The following ULK4 variants were observed in gnomAD, a reference collection of about 807,000 sequenced individuals.
ULK4 encodes inactive serine/threonine-protein kinase ULK4.
In ULK4, 133 loss-of-function variants were observed where a neutral mutation model predicts 160.6. That is an observed-to-expected ratio of 0.83 (90% CI 0.72 to 0.96). The LOEUF is 0.96. Ranked by LOEUF, ULK4 falls within the 40% of genes least tolerant of loss-of-function variation. The pLI is 0.00. For missense variants in ULK4, 1,580 were observed against 1,499.5 expected (o/e 1.05, Z -0.89); for synonymous variants, 534 against 539.8 (o/e 0.99, Z 0.15).
At chr3:41,820,884 T>C (rs2041125061) in intron 18 of ULK4, among the ~76,000 whole-genome samples, 1 of 152,220 alleles carries the variant, frequency 6.6e-6, no homozygotes, top group East Asian at 1.9e-4. Context: ...TACTTGATTA[T>C]AGAATTCCAC....
intron 35 of ULK4, among the ~76,000 whole-genome samples, chr3:41,395,903 C>T (rs1225048306): frequency 6.6e-6 from 1 of 152,092 alleles, no homozygotes; most frequent in African/African-American, 2.4e-5. Flanking sequence ...ACAAAATCTA[C>T]CCGGCCCTAT....
intron 17 of ULK4, among the ~76,000 whole-genome samples, chr3:41,843,089 T>C (rs1006094087): frequency 2.0e-5 from 3 of 152,156 alleles, no homozygotes; most frequent in Non-Finnish European, 4.4e-5. Context: ...GAAGAAAATA[T>C]AGGATAACGT....
At chr3:41,849,454 C>T (rs560415652) in intron 17 of ULK4, among the ~76,000 whole-genome samples, 48 of 151,804 alleles carry the variant, frequency 3.2e-4, no homozygotes, top group Non-Finnish European at 4.9e-4. Flanking sequence ...GCCATGAAGA[C>T]GGTAAAAAGG....
intron 32 of ULK4, among the ~76,000 whole-genome samples, chr3:41,564,449 CTTTTTTTTTTTTTT>C (rs71075476): frequency 4.0e-4 from 32 of 80,970 alleles, no homozygotes; most frequent in African/African-American, 1.5e-3. Context: ...TCTTCTTCTT[CTTTTTTTTTTTTTT>C]TTTTTTTTTT....
chr3:41,866,029 T>C (rs1441487540), intron 17 of ULK4, among the ~76,000 whole-genome samples: 2 of 151,906 alleles, frequency 1.3e-5, no homozygotes, highest in Non-Finnish European at 2.9e-5. Flanking sequence ...AGAACTTGTA[T>C]CCAGAATATT....
At position 41,314,186 on chromosome 3, in the gene ULK4, C is replaced by T. The variant is rs572655852; in HGVS notation, c.3679-64612G>A. Among the ~76,000 whole-genome samples the T allele has an allele frequency of 2.0e-5, 3 of 152,224 alleles. No homozygotes were observed. The East Asian group carries it at 5.8e-4, about 29-fold the overall frequency. ...CAAGATAAATGTTATCTTTTTAGAC[C>T]ATTGGGTTGTTTTAAATATTTTTTA... On this transcript the variant is annotated intron_variant, in intron 35 of 36. Transcript: ENST00000301831.
chr3:41,600,527 C>T (rs1208577400), intron 31 of ULK4, among the ~76,000 whole-genome samples: 1 of 152,162 alleles, frequency 6.6e-6, no homozygotes, highest in Non-Finnish European at 1.5e-5. Context: ...TGCATACATA[C>T]TTGGGGGAAA....
At chr3:41,477,103 G>A (rs940695139) in intron 32 of ULK4, among the ~76,000 whole-genome samples, 1 of 152,076 alleles carries the variant, frequency 6.6e-6, no homozygotes, top group African/African-American at 2.4e-5. Context: ...ATCTCTAAAA[G>A]AAGCCAACAT....
At chr3:41,772,161 A>C (rs1227127483) in intron 21 of ULK4, among the ~76,000 whole-genome samples, 1 of 152,250 alleles carries the variant, frequency 6.6e-6, no homozygotes. Flanking sequence ...TAAAAGAACT[A>C]GAGAAGCAAG....
At chr3:41,611,621 G>C (rs1167081200) in intron 31 of ULK4, among the ~76,000 whole-genome samples, 1 of 152,160 alleles carries the variant, frequency 6.6e-6, no homozygotes, top group East Asian at 1.9e-4. Context: ...TCTAGTGACT[G>C]AAGGAGCATG....
At chr3:41,721,363 T>TATATATATATATATATA (rs1553639873) in intron 22 of ULK4, among the ~76,000 whole-genome samples, 1 of 28,630 alleles carries the variant, frequency 3.5e-5, no homozygotes, top group African/African-American at 1.8e-4. Flanking sequence ...TATATATATA[T>TATATATATATATATATA]TTTTTTTTTT....
chr3:41,535,736 GCT>G (rs1330988327), intron 32 of ULK4, among the ~76,000 whole-genome samples: 1 of 152,194 alleles, frequency 6.6e-6, no homozygotes, highest in Non-Finnish European at 1.5e-5. Context: ...GGAAAAGTAA[GCT>G]CACACACTTA....
chr3:41,874,013 G>A (rs1697211962), intron 17 of ULK4, among the ~76,000 whole-genome samples: 1 of 151,474 alleles, frequency 6.6e-6, no homozygotes, highest in East Asian at 1.9e-4. Context: ...AATGCTACAT[G>A]GAAAAACTAT....
At chr3:41,773,416 A>C (rs2039480882) in intron 21 of ULK4, among the ~76,000 whole-genome samples, 2 of 152,200 alleles carry the variant, frequency 1.3e-5, no homozygotes, top group Admixed American at 1.3e-4. Context: ...AGGCATTCTT[A>C]TACACCAACA....
At chr3:41,674,486 T>G (rs1452180982) in intron 29 of ULK4, among the ~76,000 whole-genome samples, 1 of 152,192 alleles carries the variant, frequency 6.6e-6, no homozygotes, top group Admixed American at 6.5e-5. Context: ...GTATCTTTCC[T>G]CCCAGAAGAG....
rs34524276 is a variant in ULK4 at position 41,951,144 on chromosome 3, CAAAAAAAAAAAA to C, written c.138+3466_138+3477del. ...TGGAGGACAGAGCGAGGCTTCGTCT[CAAAAAAAAAAAA>C]AAAAAAAAAAAAGACACAAATAAGT... On this transcript the variant is annotated intron_variant, in intron 2 of 36. Coordinates refer to ENST00000301831, the MANE Select transcript of ULK4 (RefSeq NM_017886.4). Among the ~76,000 whole-genome samples the C allele has an allele frequency of 4.6e-5, 3 of 64,660 alleles. No individual in the cohort carries two copies. In the South Asian group the frequency reaches 2.8e-3, roughly 61 times the overall value. 42.4% of individuals were successfully genotyped at this position (64,660 alleles called of 152,430 possible).
chr3:41,524,555 A>G (rs796739732), intron 32 of ULK4, among the ~76,000 whole-genome samples: 211 of 152,298 alleles, frequency 1.4e-3, no homozygotes, highest in African/African-American at 4.8e-3. Context: ...TCAATTCCAC[A>G]GTACTCAGGA....
chr3:41,727,333 T>G lies in ULK4; in HGVS notation c.2322-9472A>C, dbSNP rs534125362. On this transcript the variant is annotated intron_variant, in intron 22 of 36. Coordinates refer to ENST00000301831, the MANE Select transcript of ULK4 (RefSeq NM_017886.4). ...ATGTGCTAAGTATTTTTCTAGTTGA[T>G]GTAGATACAACCTATGGAGTGTATA... 7.9e-5 allele frequency among the ~76,000 whole-genome samples: 12 copies of G among 152,324 alleles called. 1 individual carries two copies. The South Asian group carries it at 2.3e-3, about 29-fold the overall frequency.
chr3:41,820,465 C>T (rs780673712), intron 18 of ULK4, among the ~76,000 whole-genome samples: 29 of 152,116 alleles, frequency 1.9e-4, no homozygotes, highest in Admixed American at 1.1e-3. Context: ...ATATCCACCA[C>T]GAAATACTAC....
Sources: gnomAD v4.1 joint callset for allele counts (sites outside exome capture counted in the v4.1 genomes callset) on GRCh38, gnomAD v4.1.1 for gene constraint, MANE v1.5 for transcripts, NCBI Gene and HGNC (gene_info 2026-07-23, HGNC 2026-07-21) for gene names.